The following CCDC28A variants were observed in gnomAD, a reference collection of about 807,000 sequenced individuals.
CCDC28A encodes the protein coiled-coil domain containing 28A.
A neutral mutation model predicts 22.1 loss-of-function variants in CCDC28A; 24 were observed. The observed-to-expected ratio is 1.09, with a 90% confidence interval of 0.79 to 1.53. The LOEUF (loss-of-function observed/expected upper bound fraction) is 1.53, where lower values mean the gene tolerates loss of function less well. Among genes scored for constraint, CCDC28A ranks in the 40% most tolerant of loss-of-function variants. The pLI, the probability that CCDC28A is intolerant of heterozygous loss-of-function variation, is 0.00. For synonymous variants in CCDC28A, 83 were observed against 74.7 expected, an observed-to-expected ratio of 1.11 and a Z score of -0.57; for missense variants, 170 against 210.7, an observed-to-expected ratio of 0.81 and a Z score of 1.20.
chr6:138,786,206 A>G (rs1775092776), intron 4 of CCDC28A, among the ~76,000 whole-genome samples: 1 of 152,172 alleles, frequency 6.6e-6, no homozygotes, highest in African/African-American at 2.4e-5. Flanking sequence ...ACATTGGATG[A>G]GAGCCCACCC....
chr6:138,777,739 A>C (rs1000283009), intron 2 of CCDC28A, among the ~76,000 whole-genome samples: 1 of 152,280 alleles, frequency 6.6e-6, no homozygotes, highest in Admixed American at 6.5e-5. Context: ...TTTTTGTTTT[A>C]TCTTTTGTGT....
At chr6:138,790,639 A>G (rs1328036356) in intron 5 of CCDC28A, among the ~76,000 whole-genome samples, 2 of 152,208 alleles carry the variant, frequency 1.3e-5, no homozygotes, top group African/African-American at 4.8e-5. Flanking sequence ...TCTGGCAACC[A>G]TAGTTTCCTC....
chr6:138,786,150 C>T (rs114121388), intron 4 of CCDC28A, among the ~76,000 whole-genome samples: 59 of 152,318 alleles, frequency 3.9e-4, no homozygotes, highest in African/African-American at 1.3e-3. Flanking sequence ...GTTCACATGG[C>T]TTCTTCCTCT....
intron 2 of CCDC28A, among the ~76,000 whole-genome samples, chr6:138,776,573 AAG>A (rs1216419106): frequency 6.6e-6 from 1 of 152,170 alleles, no homozygotes; most frequent in Non-Finnish European, 1.5e-5. Flanking sequence ...GAAAAAGTGA[AAG>A]AAAGTCAGCA....
At chr6:138,776,336 C>T in intron 2 of CCDC28A, 58 bp downstream of exon 2, 1 of 1,376,764 alleles carries the variant, frequency 7.3e-7, no homozygotes, top group South Asian at 1.2e-5. Context: ...AATCCTGACT[C>T]AACTTCTTCT....
At chr6:138,785,135 T>G (rs1298071609) in intron 3 of CCDC28A, 92 bp from the exon 4 acceptor site, 1 of 707,190 alleles carries the variant, frequency 1.4e-6, no homozygotes, top group South Asian at 3.0e-5. Flanking sequence ...AAAACCTGTT[T>G]CTTTTAGAGC....
At chr6:138,779,396 A>G (rs982254741) in intron 2 of CCDC28A, among the ~76,000 whole-genome samples, 1 of 152,202 alleles carries the variant, frequency 6.6e-6, no homozygotes, top group Non-Finnish European at 1.5e-5. Flanking sequence ...TAGACGGGGC[A>G]TTTGTGGATA....
chr6:138,780,610 T>A (rs190585392), intron 3 of CCDC28A, among the ~76,000 whole-genome samples: 311 of 150,526 alleles, frequency 2.1e-3, no homozygotes, highest in African/African-American at 7.5e-3. Flanking sequence ...AGTCTGGCTC[T>A]GTCGCCCAGG....
intron 2 of CCDC28A, among the ~76,000 whole-genome samples, chr6:138,777,606 G>T (rs941130587): frequency 6.6e-6 from 1 of 152,208 alleles, no homozygotes. Flanking sequence ...ATCATTGTGT[G>T]CCTGACAGAA....
intron 4 of CCDC28A, among the ~76,000 whole-genome samples, chr6:138,786,905 G>A (rs1217009230): frequency 1.3e-5 from 2 of 152,120 alleles, no homozygotes; most frequent in African/African-American, 2.4e-5. Flanking sequence ...TGTGAGCCAC[G>A]GTGTCTGGCT....
At position 138,787,394 on chromosome 6, in the gene CCDC28A, G is replaced by A. The variant is rs76011076; in HGVS notation, c.478-972G>A. Reference sequence around the variant, plus strand: ...CCAGATCTGCTGACTCCTTAATTTTGAACTTTCCTACCTGTAGAACTATAA... The same window carrying A: ...CCAGATCTGCTGACTCCTTAATTTTAAACTTTCCTACCTGTAGAACTATAA... On this transcript the variant is annotated intron_variant, in intron 4 of 5. Coordinates refer to ENST00000617445, the MANE Select transcript of CCDC28A (RefSeq NM_015439.3). 6.5e-3 allele frequency among the ~76,000 whole-genome samples: 994 copies of A among 152,170 alleles called. 7 individuals carry two copies. Among genetic ancestry groups the A allele is most frequent in the Non-Finnish European group, 0.01 (695 of 67,994 alleles).
Position 138,785,399 on chromosome 6 carries a change from TC to T in CCDC28A, c.477+19del. On this transcript the variant is annotated intron_variant, in intron 4 of 5. Coordinates refer to ENST00000617445, the MANE Select transcript of CCDC28A (RefSeq NM_015439.3). ...TGTCAGATGTAAGTGTAATTCTTTT[TC>T]TTTGTTCTTTAAAAAAAAATTTTTG... is the stretch of plus-strand genomic sequence containing the variant. The T allele has an allele frequency of 6.3e-7, 1 of 1,575,630 alleles. No homozygotes were observed. The highest frequency in any genetic ancestry group is 8.6e-7 in the Non-Finnish European group (1 of 1,163,256).
At chr6:138,775,958 A>G in intron 1 of CCDC28A, 121 bp from the exon 2 acceptor site, 1 of 780,070 alleles carries the variant, frequency 1.3e-6, no homozygotes, top group Non-Finnish European at 2.1e-6. Flanking sequence ...CCATTTTCTA[A>G]CTTTCTCTTA....
At chr6:138,791,051 A>G (rs960249169) in intron 5 of CCDC28A, among the ~76,000 whole-genome samples, 4 of 152,196 alleles carry the variant, frequency 2.6e-5, no homozygotes, top group African/African-American at 7.2e-5. Flanking sequence ...CTCAATTTTT[A>G]TAATGATTAC....
intron 4 of CCDC28A, among the ~76,000 whole-genome samples, chr6:138,786,853 T>C (rs1419598686): frequency 1.3e-5 from 2 of 152,204 alleles, no homozygotes; most frequent in Admixed American, 6.5e-5. Context: ...TGGACTCAAG[T>C]GATCCGCCCA....
intron 5 of CCDC28A, among the ~76,000 whole-genome samples, chr6:138,791,715 T>C (rs1158572863): frequency 6.6e-6 from 1 of 152,256 alleles, no homozygotes; most frequent in Non-Finnish European, 1.5e-5. Flanking sequence ...ACATTCAAGC[T>C]GACCACTTCC....
At position 138,785,308 on chromosome 6, in the gene CCDC28A, G is replaced by A. The variant is rs779370032; in HGVS notation, c.404G>A (p.Gly135Glu). ...GCTCGCTTGAATTTGGAGCTCTATGGGGAGTTAGAGGAACTTCCTGAGGAT... is the reference window on the plus strand; with the variant it reads ...GCTCGCTTGAATTTGGAGCTCTATGAGGAGTTAGAGGAACTTCCTGAGGAT... The part of the protein sequence containing the change: ...KLARLNLELY[G>E]ELEELPEDKR... The change falls in exon 4 of 6, where the codon GGG (glycine) becomes GAG (glutamate). Residue 135 changes from glycine to glutamate, a missense_variant. Transcript: ENST00000617445. 6.2e-7 allele frequency: 1 copy of A among 1,613,062 alleles called. No homozygotes were observed. Among genetic ancestry groups the A allele is most frequent in the Non-Finnish European group, 8.5e-7 (1 of 1,179,082 alleles).
chr6:138,785,391 AT>A lies in CCDC28A; in HGVS notation c.477+12del, dbSNP rs747015801. ...TAGGCTTCTGTCAGATGTAAGTGTA[AT>A]TCTTTTTCTTTGTTCTTTAAAAAAA... is the stretch of plus-strand genomic sequence containing the variant. On this transcript the variant is annotated intron_variant, in intron 4 of 5. Transcript: ENST00000617445. 2 of 1,585,174 alleles carry A rather than the reference AT, an allele frequency of 1.3e-6. No individual in the cohort carries two copies. The highest frequency in any genetic ancestry group is 1.7e-6 in the Non-Finnish European group (2 of 1,169,316).
intron 1 of CCDC28A, among the ~76,000 whole-genome samples, chr6:138,774,520 A>G (rs1774895591): frequency 6.6e-6 from 1 of 152,244 alleles, no homozygotes; most frequent in Non-Finnish European, 1.5e-5. Context: ...CCAAGGTTTA[A>G]GTGGATTGAC....
Sources: allele counts gnomAD v4.1 joint callset (sites outside exome capture counted in the v4.1 genomes callset), GRCh38; gene constraint gnomAD v4.1.1; transcripts MANE v1.5; gene names NCBI Gene and HGNC (gene_info 2026-07-23, HGNC 2026-07-21).